PDE4D: variants seen among roughly 807,000 people sequenced by gnomAD.
PDE4D encodes phosphodiesterase 4D.
Under a neutral mutation model 87.4 loss-of-function variants are expected in PDE4D, and 24 were observed. That is an observed-to-expected ratio of 0.27 (90% CI 0.20 to 0.39). The LOEUF is 0.39. PDE4D is among the 10% of genes least tolerant of loss of function. The pLI, the probability that PDE4D is intolerant of heterozygous loss-of-function variation, is 1.00. For missense variants in PDE4D, 714 were observed against 1,041.0 expected (o/e 0.69, Z 4.32); for synonymous variants, 384 against 383.2 (o/e 1.00, Z -0.02).
intron 1 of PDE4D, among the ~76,000 whole-genome samples, chr5:59,617,896 A>G (rs1829898085): frequency 6.6e-6 from 1 of 152,176 alleles, no homozygotes; most frequent in South Asian, 2.1e-4. Flanking sequence ...CATACCAATG[A>G]AGTGCTTTTC....
chr5:59,407,579 G>A (rs541193448), intron 1 of PDE4D, among the ~76,000 whole-genome samples: 1 of 152,282 alleles, frequency 6.6e-6, no homozygotes, highest in Admixed American at 6.5e-5. Flanking sequence ...GGGAGATGAG[G>A]AAAAGTTTGA....
Position 59,616,943 on chromosome 5 carries a change from A to ATATATATATATATATATATC in PDE4D, c.455+276224_455+276225insGATATATATATATATATATA, listed in dbSNP as rs1351290068. Among the ~76,000 whole-genome samples, 33 of 139,162 alleles carry ATATATATATATATATATATC rather than the reference A, an allele frequency of 2.4e-4. 1 individual carries two copies. Among genetic ancestry groups the ATATATATATATATATATATC allele is most frequent in the Non-Finnish European group, 3.9e-4 (25 of 64,020 alleles). The allele number at this position is 139,162 out of a possible 152,430, so 91.3% of individuals were successfully genotyped here. On this transcript the variant is annotated intron_variant, in intron 1 of 14. Coordinates refer to ENST00000340635, the MANE Select transcript of PDE4D (RefSeq NM_001104631.2). ...CATATATATATATATATATATATAT[A>ATATATATATATATATATATC]TATCTCCAAGATTTTAAAGTATTAG...
chr5:59,925,293 C>T (rs144245582), intron 3 of PDE4D, among the ~76,000 whole-genome samples: 131 of 151,886 alleles, frequency 8.6e-4, no homozygotes, highest in South Asian at 2.5e-3. Flanking sequence ...TTTAATTTGT[C>T]GTCAGCTTAA....
At chr5:59,646,906 G>C (rs796867589) in intron 1 of PDE4D, among the ~76,000 whole-genome samples, 5 of 152,146 alleles carry the variant, frequency 3.3e-5, no homozygotes, top group African/African-American at 1.2e-4. Flanking sequence ...ATGGTGGCAC[G>C]AGCCTGTAGT....
At chr5:60,407,744 C>T (rs1397674931) in intron 1 of PDE4D, among the ~76,000 whole-genome samples, 2 of 152,002 alleles carry the variant, frequency 1.3e-5, no homozygotes, top group African/African-American at 4.8e-5. Context: ...TGAGCCACCA[C>T]GCTTGGCCCC....
At chr5:59,286,453 C>G (rs764154581) in intron 1 of PDE4D, among the ~76,000 whole-genome samples, 1 of 152,084 alleles carries the variant, frequency 6.6e-6, no homozygotes, top group Non-Finnish European at 1.5e-5. Context: ...CTAAACAAAT[C>G]GTATTTTAAG....
intron 1 of PDE4D, among the ~76,000 whole-genome samples, chr5:59,606,908 CTTTT>C (rs1383735899): frequency 6.6e-6 from 1 of 151,458 alleles, no homozygotes; most frequent in African/African-American, 2.4e-5. Flanking sequence ...ATTCATCTCT[CTTTT>C]TGTTTTCTAT....
chr5:58,986,754 C>T (rs1229146399), intron 11 of PDE4D, among the ~76,000 whole-genome samples: 2 of 152,162 alleles, frequency 1.3e-5, no homozygotes, highest in African/African-American at 4.8e-5. Context: ...TTGGAGACTG[C>T]TGCTTTAAGG....
chr5:59,603,890 A>T (rs1380317527), intron 1 of PDE4D, among the ~76,000 whole-genome samples: 5 of 152,116 alleles, frequency 3.3e-5, no homozygotes, highest in Non-Finnish European at 5.9e-5. Flanking sequence ...GAAAAATGTT[A>T]ACAGAGTGGA....
intron 1 of PDE4D, among the ~76,000 whole-genome samples, chr5:59,604,683 A>T (rs1193962594): frequency 6.6e-6 from 1 of 152,036 alleles, no homozygotes; most frequent in Non-Finnish European, 1.5e-5. Context: ...AATCTCACTG[A>T]TAACCAAAAA....
chr5:60,383,436 C>A (rs1467138731), intron 1 of PDE4D, among the ~76,000 whole-genome samples: 2 of 152,146 alleles, frequency 1.3e-5, no homozygotes, highest in East Asian at 3.9e-4. Flanking sequence ...TCCTTTTAGC[C>A]CATTTATCTT....
chr5:59,181,926 T>C (rs1741696545), intron 4 of PDE4D, among the ~76,000 whole-genome samples: 1 of 152,144 alleles, frequency 6.6e-6, no homozygotes, highest in Non-Finnish European at 1.5e-5. Context: ...TATGCCTTGC[T>C]GAGATGATGA....
intron 5 of PDE4D, among the ~76,000 whole-genome samples, chr5:59,112,410 A>G (rs910905265): frequency 6.6e-6 from 1 of 152,238 alleles, no homozygotes; most frequent in Non-Finnish European, 1.5e-5. Context: ...CATGATTTGC[A>G]CTGACTGCTG....
chr5:59,758,633 CCTAT>C (rs758082561), intron 1 of PDE4D, among the ~76,000 whole-genome samples: 25 of 152,010 alleles, frequency 1.6e-4, no homozygotes, highest in Non-Finnish European at 2.5e-4. Context: ...TATACATTTC[CCTAT>C]CTGTTACCTA....
chr5:60,122,582 C>T (rs1582767073), intron 2 of PDE4D, among the ~76,000 whole-genome samples: 1 of 152,188 alleles, frequency 6.6e-6, no homozygotes. Context: ...GGATGCAGGG[C>T]ACCTGGTCAC....
At chr5:60,317,510 T>G (rs1289002594) in intron 1 of PDE4D, among the ~76,000 whole-genome samples, 1 of 152,216 alleles carries the variant, frequency 6.6e-6, no homozygotes, top group Non-Finnish European at 1.5e-5. Flanking sequence ...TGATCTTAGT[T>G]ATTTCTTGCC....
chr5:59,106,144 G>A (rs561079215), intron 5 of PDE4D, among the ~76,000 whole-genome samples: 1 of 152,286 alleles, frequency 6.6e-6, no homozygotes, highest in Admixed American at 6.5e-5. Flanking sequence ...TACAGATAAT[G>A]TACATGCACA....
chr5:60,197,057 ATAGATAGATAGATAGACAGT>A (rs1205763933), intron 1 of PDE4D, among the ~76,000 whole-genome samples: 1 of 108,418 alleles, frequency 9.2e-6, no homozygotes. Context: ...AGATAGATAG[ATAGATAGATAGATAGACAGT>A]TAGATAGATA....
chr5:59,820,227 C>A (rs1019718547), intron 1 of PDE4D, among the ~76,000 whole-genome samples: 1 of 152,198 alleles, frequency 6.6e-6, no homozygotes, highest in Non-Finnish European at 1.5e-5. Flanking sequence ...TTTCTTCACA[C>A]ACATCCTCCA....
Sources: gnomAD v4.1 joint callset for allele counts (sites outside exome capture counted in the v4.1 genomes callset) on GRCh38, gnomAD v4.1.1 for gene constraint, MANE v1.5 for transcripts, NCBI Gene and HGNC (gene_info 2026-07-23, HGNC 2026-07-21) for gene names.